SEMA5A: variants seen among roughly 807,000 people sequenced by gnomAD.
The protein encoded by SEMA5A is semaphorin-5A.
A neutral mutation model predicts 135.5 loss-of-function variants in SEMA5A; 55 were observed. The ratio of observed to expected loss-of-function variants is 0.41; its 90% CI spans 0.33 to 0.51. The LOEUF is 0.51. SEMA5A is among the 20% of genes least tolerant of loss of function. SEMA5A has a pLI of 0.37. For synonymous variants in SEMA5A, 580 were observed against 546.5 expected (o/e 1.06, Z -0.85); for missense variants, 1,290 against 1,419.9 (o/e 0.91, Z 1.47).
intron 1 of SEMA5A, among the ~76,000 whole-genome samples, chr5:9,502,795 A>G (rs544113008): frequency 3.9e-5 from 6 of 152,200 alleles, no homozygotes; most frequent in Admixed American, 3.3e-4. Flanking sequence ...ACAACTAAAT[A>G]CCCTTTCCCA....
chr5:9,377,036 C>G (rs1755391023), intron 3 of SEMA5A, among the ~76,000 whole-genome samples: 1 of 151,160 alleles, frequency 6.6e-6, no homozygotes, highest in Non-Finnish European at 1.5e-5. Flanking sequence ...AGAAAATAAC[C>G]TAAGCATCTC....
intron 1 of SEMA5A, among the ~76,000 whole-genome samples, chr5:9,532,974 A>G (rs1157448018): frequency 6.6e-6 from 1 of 152,220 alleles, no homozygotes; most frequent in Non-Finnish European, 1.5e-5. Flanking sequence ...TGCAGTGTTC[A>G]CTTTGTCAAG....
intron 22 of SEMA5A, among the ~76,000 whole-genome samples, chr5:9,043,613 GA>G (rs1736081248): frequency 1.3e-5 from 2 of 152,310 alleles, no homozygotes; most frequent in African/African-American, 4.8e-5. Flanking sequence ...CATATATATT[GA>G]GAGGATTAAA....
chr5:9,047,229 A>G (rs1310498281), intron 21 of SEMA5A, among the ~76,000 whole-genome samples: 3 of 152,170 alleles, frequency 2.0e-5, no homozygotes, highest in Non-Finnish European at 4.4e-5. Context: ...CCGGTAACTC[A>G]TGTTTCATTA....
At chr5:9,329,532 G>GT (rs1753024723) in intron 4 of SEMA5A, among the ~76,000 whole-genome samples, 1 of 152,170 alleles carries the variant, frequency 6.6e-6, no homozygotes. Context: ...CATAAAGTAG[G>GT]TTCAATAAAT....
chr5:9,462,755 T>C lies in SEMA5A; in HGVS notation c.-174-24903A>G, dbSNP rs575395653. On this transcript the variant is annotated intron_variant, in intron 1 of 22. Transcript: ENST00000382496. ...AAACCAAATACCGCATTTTCTCACT[T>C]ATAAGTGGGAGCTAAATAGTGAGAA... is the stretch of plus-strand genomic sequence containing the variant. Among the ~76,000 whole-genome samples, 4 of 152,166 alleles carry C rather than the reference T, an allele frequency of 2.6e-5. No homozygotes were observed. The South Asian group carries it at 8.3e-4, about 32-fold the overall frequency.
chr5:9,345,422 A>G (rs1471395521), intron 3 of SEMA5A, among the ~76,000 whole-genome samples: 1 of 151,672 alleles, frequency 6.6e-6, no homozygotes, highest in Non-Finnish European at 1.5e-5. Context: ...TCCTGCCTTC[A>G]CTGGAATGCA....
chr5:9,472,139 C>A (rs1022328109), intron 1 of SEMA5A, among the ~76,000 whole-genome samples: 5 of 152,194 alleles, frequency 3.3e-5, no homozygotes, highest in African/African-American at 1.2e-4. Flanking sequence ...TGACTATTGA[C>A]TCATTGCTTC....
rs535642974 is a variant in SEMA5A at position 9,491,868 on chromosome 5, G to A, written c.-175+53716C>T. Among the ~76,000 whole-genome samples the A allele has an allele frequency of 2.0e-5, 3 of 152,248 alleles. No individual in the cohort carries two copies. In the South Asian group the frequency reaches 6.2e-4, roughly 32 times the overall value. ...TTATTCAATATATGCATTGTAAGAA[G>A]GAACCACAGATAAAATCAACTGACT... On this transcript the variant is annotated intron_variant, in intron 1 of 22. Transcript: ENST00000382496.
chr5:9,407,496 G>GA (rs1448513606), intron 2 of SEMA5A, among the ~76,000 whole-genome samples: 1 of 152,170 alleles, frequency 6.6e-6, no homozygotes, highest in Non-Finnish European at 1.5e-5. Flanking sequence ...AGTGAACATT[G>GA]AAATTTAGCC....
intron 3 of SEMA5A, among the ~76,000 whole-genome samples, chr5:9,376,165 A>G (rs1334283508): frequency 1.3e-5 from 2 of 152,066 alleles, no homozygotes; most frequent in Non-Finnish European, 2.9e-5. Context: ...GCATTTTGTC[A>G]TCCTCCAGAT....
chr5:9,432,989 G>A (rs952253441), intron 2 of SEMA5A, among the ~76,000 whole-genome samples: 10 of 152,126 alleles, frequency 6.6e-5, no homozygotes, highest in Non-Finnish European at 1.3e-4. Flanking sequence ...TCTCCCTAAC[G>A]AAGAATGAAT....
chr5:9,388,632 G>A (rs908347801), intron 2 of SEMA5A, among the ~76,000 whole-genome samples: 3 of 152,188 alleles, frequency 2.0e-5, no homozygotes, highest in Admixed American at 2.0e-4. Context: ...GCGCGTGGTG[G>A]CTCACGCCTG....
intron 3 of SEMA5A, among the ~76,000 whole-genome samples, chr5:9,359,051 CT>C (rs1289774902): frequency 1.3e-5 from 2 of 152,110 alleles, no homozygotes; most frequent in Non-Finnish European, 2.9e-5. Context: ...ATTTCCTCTC[CT>C]AGACAGGCCC....
At chr5:9,344,760 A>T (rs1300205509) in intron 3 of SEMA5A, among the ~76,000 whole-genome samples, 1 of 152,234 alleles carries the variant, frequency 6.6e-6, no homozygotes, top group Admixed American at 6.5e-5. Context: ...GTTGGAAAAT[A>T]TGAGGCCAAT....
At chr5:9,536,434 G>A (rs1458719007) in intron 1 of SEMA5A, among the ~76,000 whole-genome samples, 2 of 151,974 alleles carry the variant, frequency 1.3e-5, no homozygotes, top group Non-Finnish European at 2.9e-5. Flanking sequence ...CCAACATGGT[G>A]AAACCCTGTC....
chr5:9,478,216 A>G (rs1305086741), intron 1 of SEMA5A, among the ~76,000 whole-genome samples: 2 of 152,196 alleles, frequency 1.3e-5, no homozygotes, highest in Non-Finnish European at 2.9e-5. Context: ...GTATGGAAAC[A>G]CCTGGATGTC....
intron 15 of SEMA5A, among the ~76,000 whole-genome samples, chr5:9,109,520 G>A (rs964759295): frequency 6.6e-6 from 1 of 152,148 alleles, no homozygotes. Flanking sequence ...CATCTAAGAA[G>A]CCCAAATTCC....
At chr5:9,316,300 T>C (rs980221866) in intron 5 of SEMA5A, among the ~76,000 whole-genome samples, 2 of 152,218 alleles carry the variant, frequency 1.3e-5, no homozygotes, top group Non-Finnish European at 2.9e-5. Flanking sequence ...TGCCCAATTC[T>C]AGATTAAGTC....
Sources: allele counts gnomAD v4.1 joint callset (sites outside exome capture counted in the v4.1 genomes callset), GRCh38; gene constraint gnomAD v4.1.1; transcripts MANE v1.5; gene names NCBI Gene and HGNC (gene_info 2026-07-23, HGNC 2026-07-21).